METTL9: variants seen among roughly 807,000 people sequenced by gnomAD.
METTL9 encodes the protein protein-L-histidine N-pros-methyltransferase.
In METTL9, 10 loss-of-function variants were observed where a neutral mutation model predicts 36.0. The observed-to-expected ratio is 0.28, with a 90% CI of 0.17 to 0.47. METTL9 has a LOEUF of 0.47. METTL9 is among the 20% of genes least tolerant of loss of function. The pLI is 0.99. For missense variants in METTL9, 246 were observed against 383.5 expected, an observed-to-expected ratio of 0.64 and a Z score of 3.00; for synonymous variants, 175 against 149.7, an observed-to-expected ratio of 1.17 and a Z score of -1.23.
At chr16:21,631,978 C>CTCTT (rs972545259) in intron 4 of METTL9, among the ~76,000 whole-genome samples, 2 of 152,090 alleles carry the variant, frequency 1.3e-5, no homozygotes, top group East Asian at 1.9e-4. Context: ...TTGACTTTGT[C>CTCTT]TCTTTCTTTC....
At chr16:21,615,743 C>A (rs1965539667) in intron 2 of METTL9, among the ~76,000 whole-genome samples, 1 of 152,202 alleles carries the variant, frequency 6.6e-6, no homozygotes, top group Non-Finnish European at 1.5e-5. Flanking sequence ...TGAAATTCGC[C>A]TCCCCTCAGC....
chr16:21,638,479 A>G (rs951761832), intron 4 of METTL9, among the ~76,000 whole-genome samples: 3 of 152,208 alleles, frequency 2.0e-5, no homozygotes, highest in African/African-American at 7.2e-5. Context: ...TGCTGAAGGA[A>G]CATTTTTCTA....
At chr16:21,600,289 C>T (rs1965084423) in intron 1 of METTL9, among the ~76,000 whole-genome samples, 1 of 152,180 alleles carries the variant, frequency 6.6e-6, no homozygotes, top group African/African-American at 2.4e-5. Context: ...TGAAGAGACC[C>T]GGCCAGATCC....
At chr16:21,600,155 CG>C (rs1261013456) in intron 1 of METTL9, among the ~76,000 whole-genome samples, 4 of 152,102 alleles carry the variant, frequency 2.6e-5, no homozygotes, top group African/African-American at 9.7e-5. Flanking sequence ...CGATCGTGAG[CG>C]GCCCGGAGCC....
chr16:21,642,205 G>A (rs1234998113), intron 4 of METTL9: 1 of 151,682 alleles, frequency 6.6e-6, no homozygotes, highest in Non-Finnish European at 1.5e-5. Flanking sequence ...TAAAAAAATC[G>A]CCTTATTTCA....
At position 21,657,243 on chromosome 16, in the gene METTL9, CA is replaced by C. The variant is rs1475238672; in HGVS notation, c.*1818del. ...ATTTTAAAGATAAAAAGTAGTTTCT[CA>C]AAAAAATCTGAAGTTCTCTGAAAAC... On this transcript the variant is annotated 3_prime_UTR_variant, in exon 5 of 5. Coordinates refer to ENST00000358154, the MANE Select transcript of METTL9 (RefSeq NM_016025.5). 1 of 151,982 alleles carries C rather than the reference CA, an allele frequency of 6.6e-6. No homozygotes were observed. Among genetic ancestry groups the C allele is most frequent in the East Asian group, 1.9e-4 (1 of 5,192 alleles). 9.4% of individuals were successfully genotyped at this position (151,982 alleles called of 1,614,324 possible). A position where few individuals can be genotyped will look rare whatever the true frequency, so the allele number is the denominator to read the frequency against.
At chr16:21,627,792 A>G (rs1200378605) in intron 4 of METTL9, among the ~76,000 whole-genome samples, 1 of 152,100 alleles carries the variant, frequency 6.6e-6, no homozygotes, top group Non-Finnish European at 1.5e-5. Flanking sequence ...TGCTAAAAAT[A>G]TAAAAACAAA....
At chr16:21,627,398 A>C in intron 4 of METTL9, 1 of 984,518 alleles carries the variant, frequency 1.0e-6, no homozygotes, top group Non-Finnish European at 1.2e-6. Context: ...TATTTGGAAA[A>C]AAAATGAAAA....
In METTL9 at chr16:21,630,929, G is replaced by A. The variant is rs551872825; in HGVS notation, c.751+5814G>A. On this transcript the variant is annotated intron_variant, in intron 4 of 4. Transcript: ENST00000358154. ...AAGCCTTTTCCTGTAAACGCTGGGC[G>A]GCATCTCGTACTATCCCTGCCTGGT... Among the ~76,000 whole-genome samples, 53 of 151,948 alleles carry A rather than the reference G, an allele frequency of 3.5e-4. 2 individuals are homozygous for A. The highest frequency in any genetic ancestry group is 3.3e-3 in the Admixed American group (51 of 15,264).
intron 4 of METTL9, chr16:21,627,167 A>G: frequency 1.0e-6 from 1 of 985,418 alleles, no homozygotes; most frequent in Non-Finnish European, 1.2e-6. Flanking sequence ...TGAGTCACTA[A>G]TTAGATCCTG....
rs182051783 is a variant in METTL9, at chr16:21,634,480, C to T, written c.751+9365C>T. On this transcript the variant is annotated intron_variant, in intron 4 of 4. Transcript: ENST00000358154. ...GTGTCCTTGTAAACCACATTGATAA[C>T]AAGCCCTACCGGGTGATTGACCTGC... Among the ~76,000 whole-genome samples the T allele has an allele frequency of 1.2e-3, 186 of 152,292 alleles. 1 individual carries two copies. The highest frequency in any genetic ancestry group is 3.7e-3 in the African/African-American group (155 of 41,570).
At chr16:21,654,040 T>G (rs914597668) in intron 4 of METTL9, 2 of 140,394 alleles carry the variant, frequency 1.4e-5, no homozygotes, top group African/African-American at 5.4e-5. Context: ...TGTTTTGTTT[T>G]TTTTTTTTTT....
intron 1 of METTL9, among the ~76,000 whole-genome samples, chr16:21,606,245 G>A (rs543766632): frequency 1.3e-5 from 2 of 152,294 alleles, no homozygotes; most frequent in Middle Eastern, 3.4e-3. Context: ...GCTGAGGCAG[G>A]AGAATCGCTT....
intron 1 of METTL9, among the ~76,000 whole-genome samples, chr16:21,608,726 C>A (rs1965353889): frequency 6.6e-6 from 1 of 152,128 alleles, no homozygotes. Context: ...AGGTCAGCCC[C>A]TATAACAAAG....
In METTL9 at chr16:21,655,661, G is replaced by A; in HGVS notation, c.*229G>A. On this transcript the variant is annotated 3_prime_UTR_variant, in exon 5 of 5. Transcript: ENST00000358154. ...TGGATTTTTATCAACTCTTTACTCA[G>A]AGCCACTCTCCAATGCAGGTCACAC... is the stretch of plus-strand genomic sequence containing the variant. 2.0e-6 allele frequency: 1 copy of A among 495,800 alleles called. No individual in the cohort carries two copies. The highest frequency in any genetic ancestry group is 3.6e-6 in the Non-Finnish European group (1 of 280,870). The allele number at this position is 495,800 out of a possible 1,614,324, so 30.7% of individuals were successfully genotyped here. A position where few individuals can be genotyped will look rare whatever the true frequency, so the allele number is the denominator to read the frequency against.
chr16:21,632,499 A>G (rs1282234686), intron 4 of METTL9, among the ~76,000 whole-genome samples: 1 of 152,208 alleles, frequency 6.6e-6, no homozygotes, highest in Admixed American at 6.5e-5. Context: ...ATCTCGGGCC[A>G]CATAAGTCTG....
intron 3 of METTL9, among the ~76,000 whole-genome samples, chr16:21,622,141 C>CTTTTTT (rs541282506): frequency 0.086 from 3,008 of 34,858 alleles, 868 homozygotes; most frequent in East Asian, 0.34. Context: ...CATGCCTGGC[C>CTTTTTT]TTTTTTTTTT....
intron 1 of METTL9, among the ~76,000 whole-genome samples, chr16:21,603,204 A>G (rs549178047): frequency 6.6e-6 from 1 of 152,002 alleles, no homozygotes; most frequent in Non-Finnish European, 1.5e-5. Flanking sequence ...TAGTGGCACA[A>G]TCTCAGCTCA....
At chr16:21,635,537 T>A (rs1161415644) in intron 4 of METTL9, among the ~76,000 whole-genome samples, 1 of 152,190 alleles carries the variant, frequency 6.6e-6, no homozygotes, top group Non-Finnish European at 1.5e-5. Flanking sequence ...TTTCACTCCA[T>A]TTGCCTTCCT....
Sources: gnomAD v4.1 joint callset for allele counts (sites outside exome capture counted in the v4.1 genomes callset) on GRCh38, gnomAD v4.1.1 for gene constraint, MANE v1.5 for transcripts, NCBI Gene and HGNC (gene_info 2026-07-23, HGNC 2026-07-21) for gene names.